The following FLG variants were observed in gnomAD, a reference collection of about 807,000 sequenced individuals.
FLG encodes epidermal filaggrin.
Under a neutral mutation model 3.8 loss-of-function variants are expected in FLG, and 6 were observed. The observed-to-expected ratio is 1.60, with a 90% CI of 0.87 to 3.15. The LOEUF (loss-of-function observed/expected upper bound fraction) is 3.15. Ranked by LOEUF, FLG falls within the 30% of genes most tolerant of loss-of-function variation. The probability of loss-of-function intolerance (pLI) is 0.00; values close to 1 mark genes in which losing one functional copy is unlikely to be tolerated. For synonymous variants in FLG, 2,551 were observed against 1,931.6 expected (o/e 1.32, Z -8.41); for missense variants, 7,595 against 5,050.9 (o/e 1.50, Z -15.27).
rs543260034 is a variant in FLG, at chr1:152,309,075, A to G, written c.5811T>C (p.Ser1937=). 4 of 1,614,086 alleles carry G rather than the reference A, an allele frequency of 2.5e-6. No homozygotes were observed. Among genetic ancestry groups the G allele is most frequent in the Non-Finnish European group, 3.4e-6 (4 of 1,179,988 alleles). The change falls in exon 3 of 3, where the codon TCT becomes TCC. Residue 1937 remains serine, a synonymous_variant. Transcript: ENST00000368799. ...CAGATCCAAGATGGTTTCTGGAAGC[A>G]GACCCAGACCACCTCTCAGAGTCTT... ...HSEDSERWSG[S]ASRNHLGSAW...
chr1:152,308,195 A>G lies in FLG; in HGVS notation c.6691T>C (p.Ser2231Pro), dbSNP rs556324776. 2 of 1,538,836 alleles carry G rather than the reference A, an allele frequency of 1.3e-6. No homozygotes were observed. The highest frequency in any genetic ancestry group is 1.7e-6 in the Non-Finnish European group (2 of 1,154,706). ...RHSLVGQGQS[S>P]GPRTSRPRGS... is the part of the protein sequence containing the mutation. ...CGGGGCCTGCTTGTCCTGGGCCCTG[A>G]TGATTGTCCCTGGCCCACCAGTGAG... Residue 2231 changes from serine (S) to proline (P), a missense_variant, in exon 3 of 3, where the codon TCA becomes CCA. Coordinates refer to ENST00000368799, the MANE Select transcript of FLG (RefSeq NM_002016.2).
Position 152,303,551 on chromosome 1 carries a change from C to T in FLG, c.11335G>A (p.Asp3779Asn). 2 of 1,614,108 alleles carry T rather than the reference C, an allele frequency of 1.2e-6. No individual in the cohort carries two copies. Among genetic ancestry groups the T allele is most frequent in the Non-Finnish European group, 1.7e-6 (2 of 1,180,030 alleles). ...RQGSYHEQSVDRSGHSGSHHS... is the reference protein window; with the variant it reads ...RQGSYHEQSVNRSGHSGSHHS... ...TGGGACCCTGAGTGTCCAGACCTATCTACCGATTGCTCGTGGTAGGATCCC... is the reference window on the plus strand; with the variant it reads ...TGGGACCCTGAGTGTCCAGACCTATTTACCGATTGCTCGTGGTAGGATCCC... Residue 3779 changes from aspartate to asparagine, a missense_variant, in exon 3 of 3, where the codon GAT (aspartate) becomes AAT (asparagine). By Grantham distance (23) the Asp-to-Asn change is conservative (BLOSUM62 1). Coordinates refer to ENST00000368799, the MANE Select transcript of FLG (RefSeq NM_002016.2).
rs75429799 is a variant in FLG at position 152,313,912 on chromosome 1, G to C, written c.974C>G (p.Ala325Gly). Residue 325 changes from alanine to glycine, a missense_variant, in exon 3 of 3, where the codon GCG (alanine) becomes GGG (glycine). Ala to Gly is a moderately conservative substitution (Grantham distance 60). Transcript: ENST00000368799. ...GSASRNHHGS[A>G]WEQSRDGSRH... Reference sequence around the variant, plus strand: ...GGAGCCATCTCTTGACTGCTCCCACGCAGATCCATGATGGTTTCTGGAAGC... The same window carrying C: ...GGAGCCATCTCTTGACTGCTCCCACCCAGATCCATGATGGTTTCTGGAAGC... 4 of 1,613,644 alleles carry C rather than the reference G, an allele frequency of 2.5e-6. No homozygotes were observed. The African/African-American group carries it at 5.3e-5, about 22-fold the overall frequency.
rs1324821560 is a variant in FLG, at chr1:152,303,303, G to A, written c.11583C>T (p.Ser3861=). The change falls in exon 3 of 3, where the codon TCC becomes TCT. Residue 3861 remains serine, a synonymous_variant. Transcript: ENST00000368799. The stretch of plus-strand genomic sequence containing the variant: ...CACTGTCACTGTCCTGGCTAACACT[G>A]GATCCCTGGCGCCTGCTTCTCCTGG... The part of the protein sequence containing the change: ...AGSRRSRRQG[S]SVSQDSDSEA... The A allele has an allele frequency of 1.2e-6, 2 of 1,614,042 alleles. No homozygotes were observed. Among genetic ancestry groups the A allele is most frequent in the East Asian group, 4.5e-5 (2 of 44,864 alleles).
chr1:152,308,930 A>C lies in FLG; in HGVS notation c.5956T>G (p.Ser1986Ala). ...TGGGATGACGCAGCCTGTCCACGAG[A>C]GGAAGACTCTGTGTGACGAGTGCCT... is the stretch of plus-strand genomic sequence containing the variant. ...QSGTRHTESS[S>A]RGQAASSHEQ... Residue 1986 changes from serine to alanine, a missense_variant, in exon 3 of 3, where the codon TCT becomes GCT. Physicochemically the swap from Ser to Ala is moderately conservative, Grantham distance 99 (BLOSUM62 1). Transcript: ENST00000368799. The C allele has an allele frequency of 6.2e-7, 1 of 1,614,084 alleles. No homozygotes were observed. The highest frequency in any genetic ancestry group is 1.1e-5 in the South Asian group (1 of 91,082).
Position 152,311,092 on chromosome 1 carries a change from T to G in FLG, c.3794A>C (p.His1265Pro), listed in dbSNP as rs11581512. Residue 1265 changes from histidine to proline, a missense_variant, in exon 3 of 3, where the codon CAC (histidine) becomes CCC (proline). Coordinates refer to ENST00000368799, the MANE Select transcript of FLG (RefSeq NM_002016.2). ...EQSSGSRTSR[H>P]QGSSVSQDSD... ...GTCCTGGCTAACACTGGATCCCTGG[T>G]GCCTGCTTGTCCTGGACCCCGATGA... is the stretch of plus-strand genomic sequence containing the variant. The G allele has an allele frequency of 6.2e-7, 1 of 1,613,856 alleles. No homozygotes were observed. The highest frequency in any genetic ancestry group is 1.7e-5 in the Admixed American group (1 of 59,994).
rs1474530753 is a variant in FLG, at chr1:152,315,061, T to C, written c.138+258A>G. The C allele has an allele frequency of 7.5e-6, 3 of 401,056 alleles. No homozygotes were observed. In the East Asian group the frequency reaches 1.3e-4, roughly 17 times the overall value. The allele number at this position is 401,056 out of a possible 1,614,324, so 24.8% of individuals were successfully genotyped here. ...TTAGTAATGTTGATGTTTGGGAGAA[T>C]ATTATAAATACCAAAATACTAAGAA... On this transcript the variant is annotated intron_variant, in intron 2 of 2. Coordinates refer to ENST00000368799, the MANE Select transcript of FLG (RefSeq NM_002016.2).
In FLG at chr1:152,314,075, C is replaced by T. The variant is rs1652667994; in HGVS notation, c.811G>A (p.Val271Met). 3 of 1,614,212 alleles carry T rather than the reference C, an allele frequency of 1.9e-6. No individual in the cohort carries two copies. Among genetic ancestry groups the T allele is most frequent in the Middle Eastern group, 1.6e-4 (1 of 6,062 alleles). Residue 271 changes from valine to methionine, a missense_variant, in exon 3 of 3, where the codon GTG (valine) becomes ATG (methionine). Transcript: ENST00000368799. ...RSSDGKSSSQVNRSRHENTSQ... is the reference protein window; with the variant it reads ...RSSDGKSSSQMNRSRHENTSQ... ...GTATTTTCATGTCTTGACCTGTTCA[C>T]TTGAGATGATGATTTGCCATCAGAT...
Position 152,303,614 on chromosome 1 carries a change from T to A in FLG, c.11272A>T (p.Ile3758Phe). 6.2e-7 allele frequency: 1 copy of A among 1,613,986 alleles called. No homozygotes were observed. Among genetic ancestry groups the A allele is most frequent in the Non-Finnish European group, 8.5e-7 (1 of 1,179,944 alleles). ...CTCCTTGACCCCGGGTGTCCACGAA[T>A]GGTGTCCTGACCCTCTTGGGACGCT... ...HSASQEGQDT[I>F]RGHPGSRRGG... The change falls in exon 3 of 3, where the codon ATT (isoleucine) becomes TTT (phenylalanine). Residue 3758 changes from isoleucine (I) to phenylalanine (F), a missense_variant. Physicochemically the swap from Ile to Phe is conservative, Grantham distance 21. Transcript: ENST00000368799.
Position 152,314,260 on chromosome 1 carries a change from T to C in FLG, c.626A>G (p.Asp209Gly). 6.2e-7 allele frequency: 1 copy of C among 1,613,726 alleles called. No individual in the cohort carries two copies. Among genetic ancestry groups the C allele is most frequent in the Non-Finnish European group, 8.5e-7 (1 of 1,179,886 alleles). The change falls in exon 3 of 3, where the codon GAC becomes GGC. Residue 209 changes from aspartate to glycine, a missense_variant. Physicochemically the swap from Asp to Gly is moderately conservative, Grantham distance 94. Coordinates refer to ENST00000368799, the MANE Select transcript of FLG (RefSeq NM_002016.2). Reference protein sequence around the residue: ...RLSERLEEKEDNEEGVYDYEN... With the variant: ...RLSERLEEKEGNEEGVYDYEN... The stretch of plus-strand genomic sequence containing the variant: ...ATAATCATATACTCCTTCTTCATTG[T>C]CTTCTTTCTCTTCAAGTCTTTCACT...
chr1:152,308,124 T>C lies in FLG; in HGVS notation c.6762A>G (p.Glu2254=). ...CAGACCCAGACCGCCTCTCAGAATC[T>C]TCTGAGTGTCCCTCACTGTCACTGT... ...SQDSDSEGHS[E]DSERRSGSAS... is the part of the protein sequence containing the mutation. The change falls in exon 3 of 3, where the codon GAA becomes GAG. Residue 2254 remains glutamate (E), a synonymous_variant. Coordinates refer to ENST00000368799, the MANE Select transcript of FLG (RefSeq NM_002016.2). The C allele has an allele frequency of 6.2e-7, 1 of 1,613,956 alleles. No individual in the cohort carries two copies. The highest frequency in any genetic ancestry group is 8.5e-7 in the Non-Finnish European group (1 of 1,179,976).
In FLG at chr1:152,314,268, C is replaced by T; in HGVS notation, c.618G>A (p.Glu206=). ...NRKRLSERLE[E]KEDNEEGVYD... Reference sequence around the variant, plus strand: ...ATACTCCTTCTTCATTGTCTTCTTTCTCTTCAAGTCTTTCACTTAGCCTCT... The same window carrying T: ...ATACTCCTTCTTCATTGTCTTCTTTTTCTTCAAGTCTTTCACTTAGCCTCT... The change falls in exon 3 of 3, where the codon GAG becomes GAA. Residue 206 remains glutamate (E), a synonymous_variant. Transcript: ENST00000368799. 1 of 1,613,504 alleles carries T rather than the reference C, an allele frequency of 6.2e-7. No individual in the cohort carries two copies. The highest frequency in any genetic ancestry group is 8.5e-7 in the Non-Finnish European group (1 of 1,179,908).
Position 152,313,926 on chromosome 1 carries a change from G to T in FLG, c.960C>A (p.Asn320Lys), listed in dbSNP as rs745464904. 1 of 1,613,728 alleles carries T rather than the reference G, an allele frequency of 6.2e-7. No individual in the cohort carries two copies. The highest frequency in any genetic ancestry group is 1.7e-5 in the Admixed American group (1 of 59,984). The change falls in exon 3 of 3, where the codon AAC (asparagine) becomes AAA (lysine). Residue 320 changes from asparagine (N) to lysine (K), a missense_variant. Asn to Lys is a moderately conservative substitution (Grantham distance 94). Transcript: ENST00000368799. ...SERHSGSASR[N>K]HHGSAWEQSR... is the part of the protein sequence containing the mutation. ...ACTGCTCCCACGCAGATCCATGATG[G>T]TTTCTGGAAGCCGACCCAGAGTGCC...
Position 152,307,750 on chromosome 1 carries a change from T to A in FLG, c.7136A>T (p.Asp2379Val), listed in dbSNP as rs750490380. 15 of 1,613,152 alleles carry A rather than the reference T, an allele frequency of 9.3e-6. 1 individual carries two copies. The East Asian group carries it at 3.3e-4, about 36-fold the overall frequency. ...SDSEGHSEDSDTQSVSAHGQA... is the reference protein window; with the variant it reads ...SDSEGHSEDSVTQSVSAHGQA... ...TCCGTGGGCTGACACTGACTGTGTG[T>A]CTGAGTCTTCTGAATGTCCCTCACT... The change falls in exon 3 of 3, where the codon GAC becomes GTC. Residue 2379 changes from aspartate to valine, a missense_variant. Coordinates refer to ENST00000368799, the MANE Select transcript of FLG (RefSeq NM_002016.2).
In FLG at chr1:152,307,571, G is replaced by C; in HGVS notation, c.7315C>G (p.Gln2439Glu). 1 of 1,613,810 alleles carries C rather than the reference G, an allele frequency of 6.2e-7. No homozygotes were observed. Among genetic ancestry groups the C allele is most frequent in the Non-Finnish European group, 8.5e-7 (1 of 1,179,958 alleles). Residue 2439 changes from glutamine to glutamate, a missense_variant, in exon 3 of 3, where the codon CAA becomes GAA. Transcript: ENST00000368799. The stretch of plus-strand genomic sequence containing the variant: ...CGTGCCTGCTTGTGGTGGGATCCTT[G>C]TCTTCCTCCAGTGCTGGTCCCGGTC... ...GRTGTSTGGR[Q>E]GSHHKQARDS...
rs1652955141 is a variant in FLG at position 152,321,124 on chromosome 1, A to C, written c.-22+4065T>G. ...TATATGTATATAAACACATACATAT[A>C]TATATGAATGATATCTCTTTTTCCC... On this transcript the variant is annotated intron_variant, in intron 1 of 2. Transcript: ENST00000368799. Among the ~76,000 whole-genome samples, 5 of 150,960 alleles carry C rather than the reference A, an allele frequency of 3.3e-5. No individual in the cohort carries two copies. In the South Asian group the frequency reaches 1.0e-3, roughly 31 times the overall value.
At position 152,308,243 on chromosome 1, in the gene FLG, A is replaced by G. The variant is rs1192566455; in HGVS notation, c.6643T>C (p.Ser2215Pro). ...GAGTGTCTAGAGCTGTCGGCCCAAGAGGAAGCTTCATGATGATGCGACCCT... is the reference window on the plus strand; with the variant it reads ...GAGTGTCTAGAGCTGTCGGCCCAAGGGGAAGCTTCATGATGATGCGACCCT... ...HSGSHHHEAS[S>P]WADSSRHSLV... The change falls in exon 3 of 3, where the codon TCT (serine) becomes CCT (proline). Residue 2215 changes from serine (S) to proline (P), a missense_variant. Physicochemically the swap from Ser to Pro is moderately conservative, Grantham distance 74. Coordinates refer to ENST00000368799, the MANE Select transcript of FLG (RefSeq NM_002016.2). 6.2e-6 allele frequency: 10 copies of G among 1,613,942 alleles called. No individual in the cohort carries two copies. The highest frequency in any genetic ancestry group is 8.5e-6 in the Non-Finnish European group (10 of 1,179,924).
In FLG at chr1:152,312,000, C is replaced by G. The variant is rs748118998; in HGVS notation, c.2886G>C (p.Trp962Cys). ...SEGHSEDSER[W>C]SGSASRNHRG... ...GATGGTTTCTGGAAGCAGACCCAGA[C>G]CACCTCTCAGAGTCTTCTGAATGTC... is the stretch of plus-strand genomic sequence containing the variant. The change falls in exon 3 of 3, where the codon TGG becomes TGC. Residue 962 changes from tryptophan to cysteine, a missense_variant. Coordinates refer to ENST00000368799, the MANE Select transcript of FLG (RefSeq NM_002016.2). 21 of 1,614,106 alleles carry G rather than the reference C, an allele frequency of 1.3e-5. No homozygotes were observed. Among genetic ancestry groups the G allele is most frequent in the African/African-American group, 4.0e-5 (3 of 75,026 alleles).
chr1:152,311,557 C>T lies in FLG; in HGVS notation c.3329G>A (p.Arg1110Lys), dbSNP rs772658745. 1.2e-6 allele frequency: 2 copies of T among 1,613,952 alleles called. No homozygotes were observed. Among genetic ancestry groups the T allele is most frequent in the Admixed American group, 1.7e-5 (1 of 60,020 alleles). ...QESARDWSGG[R>K]SGRSGSFIYQ... is the part of the protein sequence containing the mutation. ...GATGAAAGACCCTGAACGTCCAGAC[C>T]TTCCCCCTGACCAGTCACGTGCGGA... The change falls in exon 3 of 3, where the codon AGG becomes AAG. Residue 1110 changes from arginine (R) to lysine (K), a missense_variant. By Grantham distance (26) the Arg-to-Lys change is conservative. Coordinates refer to ENST00000368799, the MANE Select transcript of FLG (RefSeq NM_002016.2).
Sources: allele counts gnomAD v4.1 joint callset (sites outside exome capture counted in the v4.1 genomes callset), GRCh38; gene constraint gnomAD v4.1.1; transcripts MANE v1.5; gene names NCBI Gene and HGNC (gene_info 2026-07-23, HGNC 2026-07-21).